MEGF6: variants seen among roughly 807,000 people sequenced by gnomAD.
The protein encoded by MEGF6 is multiple EGF like domains 6.
Under a neutral mutation model 207.1 loss-of-function variants are expected in MEGF6, and 184 were observed. The observed-to-expected ratio is 0.89, with a 90% CI of 0.79 to 1.00. The LOEUF (loss-of-function observed/expected upper bound fraction) is 1.00. MEGF6 is among the 50% of genes least tolerant of loss of function. The pLI is 0.00. For missense variants in MEGF6, 2,282 were observed against 2,202.9 expected (o/e 1.04, Z -0.72); for synonymous variants, 1,038 against 910.0 (o/e 1.14, Z -2.53).
At chr1:3,584,660 A>G (rs1241881951) in intron 3 of MEGF6, among the ~76,000 whole-genome samples, 2 of 152,162 alleles carry the variant, frequency 1.3e-5, no homozygotes, top group East Asian at 3.8e-4. Flanking sequence ...TCCCCTCACC[A>G]TGCACCAGCA....
At chr1:3,614,615 A>G (rs1644363281), upstream of MEGF6, among the ~76,000 whole-genome samples, 2 of 152,238 alleles carry the variant, frequency 1.3e-5, no homozygotes, top group East Asian at 1.9e-4. Context: ...TTGTCAGACT[A>G]TATAAGCTTT....
At chr1:3,491,544 A>G (rs1181815300) in intron 35 of MEGF6, among the ~76,000 whole-genome samples, 1 of 152,070 alleles carries the variant, frequency 6.6e-6, no homozygotes, top group Non-Finnish European at 1.5e-5. Flanking sequence ...ACTGCCTTAG[A>G]AAGGCACAAA....
the MEGF6 span, among the ~76,000 whole-genome samples, chr1:3,617,491 G>A: frequency 6.6e-6 from 1 of 152,178 alleles, no homozygotes; most frequent in Non-Finnish European, 1.5e-5. Context: ...GGGTGGTGGG[G>A]AGGGAGAGCA....
intron 4 of MEGF6, among the ~76,000 whole-genome samples, chr1:3,532,021 G>A (rs562124327): frequency 6.6e-6 from 1 of 152,252 alleles, no homozygotes; most frequent in South Asian, 2.1e-4. Context: ...CTTGGAGGGA[G>A]CCTGGGCGAG....
At chr1:3,620,150 T>A in the MEGF6 span, among the ~76,000 whole-genome samples, 1 of 152,212 alleles carries the variant, frequency 6.6e-6, no homozygotes, top group East Asian at 1.9e-4. Context: ...GCAAAGCATT[T>A]GAGATGTGAG....
intron 3 of MEGF6, among the ~76,000 whole-genome samples, chr1:3,592,804 A>C (rs1047831120): frequency 1.3e-5 from 2 of 152,142 alleles, no homozygotes; most frequent in Non-Finnish European, 2.9e-5. Flanking sequence ...GAAAACAAGC[A>C]AAAGTAAAAG....
At chr1:3,511,007 C>A in intron 9 of MEGF6, 105 bp from the exon 10 acceptor site, 1 of 1,466,030 alleles carries the variant, frequency 6.8e-7, no homozygotes, top group Non-Finnish European at 9.1e-7. Flanking sequence ...ACGCGCCCGA[C>A]TGCACCTGCA....
chr1:3,579,042 A>T (rs1332330271), intron 4 of MEGF6, among the ~76,000 whole-genome samples: 1 of 152,176 alleles, frequency 6.6e-6, no homozygotes. Flanking sequence ...CCTGGCATGG[A>T]GCCCCGGTGG....
rs901629873 is a variant in MEGF6, at chr1:3,560,126, G to A, written c.481+19699C>T. ...AAGGTTAGTCCCAGAGGGCAAAGAA[G>A]GCTGGGCTTTTTTTTTTTCTTTTAA... On this transcript the variant is annotated intron_variant, in intron 4 of 36. Coordinates refer to ENST00000356575, the MANE Select transcript of MEGF6 (RefSeq NM_001409.4). This position sits in a 1 kb window ranked among gnomAD's most constrained non-coding sequence, Gnocchi z 4.0. Among the ~76,000 whole-genome samples the A allele has an allele frequency of 8.6e-5, 13 of 151,402 alleles. No homozygotes were observed. The highest frequency in any genetic ancestry group is 1.7e-4 in the African/African-American group (7 of 41,280).
chr1:3,527,644 G>A (rs757461664), intron 4 of MEGF6, among the ~76,000 whole-genome samples: 43 of 152,224 alleles, frequency 2.8e-4, no homozygotes, highest in Admixed American at 2.0e-4. Flanking sequence ...AGAAGCTGGA[G>A]GGACAGAGGG....
rs564036913 is a variant in MEGF6 at position 3,586,444 on chromosome 1, G to A, written c.377-6515C>T. On this transcript the variant is annotated intron_variant, in intron 3 of 36. Transcript: ENST00000356575. ...GCATGAGTGAGCTCGTCTGGTGGGC[G>A]GCGGGTGCAGATGCAAACGTGTGCC... Among the ~76,000 whole-genome samples the A allele has an allele frequency of 1.2e-4, 19 of 152,316 alleles. No homozygotes were observed. The South Asian group carries it at 1.4e-3, about 12-fold the overall frequency.
chr1:3,615,804 C>T (rs566799963), upstream of MEGF6, among the ~76,000 whole-genome samples: 35 of 152,322 alleles, frequency 2.3e-4, no homozygotes, highest in African/African-American at 7.7e-4. Context: ...CTTTATCCCA[C>T]CTGGCCTCGA....
chr1:3,561,155 G>A (rs1643188461), intron 4 of MEGF6, among the ~76,000 whole-genome samples: 2 of 152,312 alleles, frequency 1.3e-5, no homozygotes, highest in South Asian at 4.1e-4. Flanking sequence ...GAGGCTGCAC[G>A]CAGACCTGAG....
At chr1:3,583,132 C>T (rs1643839200) in intron 3 of MEGF6, among the ~76,000 whole-genome samples, 1 of 152,156 alleles carries the variant, frequency 6.6e-6, no homozygotes, top group South Asian at 2.1e-4. Context: ...TGGACTTGCT[C>T]CCAAGGGGTG....
At chr1:3,532,629 A>T (rs1642214102) in intron 4 of MEGF6, among the ~76,000 whole-genome samples, 1 of 152,212 alleles carries the variant, frequency 6.6e-6, no homozygotes, top group Non-Finnish European at 1.5e-5. Flanking sequence ...CTCCTCCCAG[A>T]GGACAATAGG....
At chr1:3,595,520 G>T in intron 2 of MEGF6, 73 bp from the exon 3 acceptor site, 1 of 1,297,352 alleles carries the variant, frequency 7.7e-7, no homozygotes, top group Non-Finnish European at 1.1e-6. Flanking sequence ...TGCACCCCTG[G>T]GGAGACTGAC....
chr1:3,563,431 T>C (rs1421703324), intron 4 of MEGF6, among the ~76,000 whole-genome samples: 2 of 152,084 alleles, frequency 1.3e-5, no homozygotes, highest in Non-Finnish European at 2.9e-5. Context: ...CGTCCCCTCG[T>C]CGTAGCTGGA....
At chr1:3,536,548 A>C (rs1642335145) in intron 4 of MEGF6, among the ~76,000 whole-genome samples, 1 of 152,116 alleles carries the variant, frequency 6.6e-6, no homozygotes, top group Non-Finnish European at 1.5e-5. Flanking sequence ...GGCTGCACCC[A>C]CAACACCCCC....
At chr1:3,524,047 G>T in intron 5 of MEGF6, 77 bp downstream of exon 5, 1 of 1,514,378 alleles carries the variant, frequency 6.6e-7, no homozygotes, top group Non-Finnish European at 8.9e-7. Context: ...ACCCTCTCAG[G>T]CCAGGCCTGG....
Sources: allele counts gnomAD v4.1 joint callset (sites outside exome capture counted in the v4.1 genomes callset), GRCh38; gene constraint gnomAD v4.1.1; non-coding constraint Gnocchi (gnomAD v3.1); transcripts MANE v1.5; gene names NCBI Gene and HGNC (gene_info 2026-07-23, HGNC 2026-07-21).